Variants in ALDOB observed in about 807,000 individuals in gnomAD.
The protein encoded by ALDOB is fructose-bisphosphate aldolase B.
Under a neutral mutation model 41.0 loss-of-function variants are expected in ALDOB, and 39 were observed. That is an observed-to-expected ratio of 0.95 (90% CI 0.74 to 1.24). ALDOB has a LOEUF of 1.24. ALDOB is among the 50% of genes most tolerant of loss of function. The probability of loss-of-function intolerance (pLI) is 0.00; values close to 1 mark genes in which losing one functional copy is unlikely to be tolerated. For missense variants in ALDOB, 530 were observed against 457.3 expected (o/e 1.16, Z -1.45); for synonymous variants, 175 against 168.8 (o/e 1.04, Z -0.28).
chr9:101,425,944 T>C (rs1324474259), intron 6 of ALDOB, among the ~76,000 whole-genome samples: 1 of 152,190 alleles, frequency 6.6e-6, no homozygotes, highest in African/African-American at 2.4e-5. Flanking sequence ...TCATTCCTTA[T>C]TGAGACTGCA....
chr9:101,421,729 T>C lies in ALDOB; in HGVS notation c.*80A>G. 1 of 1,116,350 alleles carries C rather than the reference T, an allele frequency of 9.0e-7. No homozygotes were observed. Among genetic ancestry groups the C allele is most frequent in the Non-Finnish European group, 1.4e-6 (1 of 733,958 alleles). The allele number at this position is 1,116,350 out of a possible 1,614,324, so 69.2% of individuals were successfully genotyped here. A position where few individuals can be genotyped will look rare whatever the true frequency, so the allele number is the denominator to read the frequency against. On this transcript the variant is annotated 3_prime_UTR_variant, in exon 9 of 9. Coordinates refer to ENST00000647789, the MANE Select transcript of ALDOB (RefSeq NM_000035.4). The stretch of plus-strand genomic sequence containing the variant: ...GCAGTTCAAATCTAATTGTGTCGAA[T>C]TTCCAGGATTGGAGGAAAAGTTGCT...
rs569063511 is a variant in ALDOB at position 101,433,925 on chromosome 9, T to C, written c.-11+1784A>G. Among the ~76,000 whole-genome samples the C allele has an allele frequency of 6.7e-5, 10 of 148,294 alleles. No individual in the cohort carries two copies. The South Asian group carries it at 2.1e-3, about 31-fold the overall frequency. On this transcript the variant is annotated intron_variant, in intron 1 of 8. Transcript: ENST00000647789. ...CTGAAACTACAGGCGCCTGCCACCA[T>C]GCCCAGCTATTTTTTTTTTTATTTT...
chr9:101,433,343 A>G (rs1831246597), intron 1 of ALDOB, among the ~76,000 whole-genome samples: 1 of 152,214 alleles, frequency 6.6e-6, no homozygotes, highest in Non-Finnish European at 1.5e-5. Context: ...GATAATTCAA[A>G]CTAATACTGT....
At position 101,421,683 on chromosome 9, in the gene ALDOB, T is replaced by C. The variant is rs1301519472; in HGVS notation, c.*126A>G. ...ATTTTTTCCCCCTTGTACTTAAGAT[T>C]TAACATGTGTTGTATTTCCAGCAGT... On this transcript the variant is annotated 3_prime_UTR_variant, in exon 9 of 9. Transcript: ENST00000647789. 3.8e-6 allele frequency: 3 copies of C among 785,534 alleles called. No individual in the cohort carries two copies. The East Asian group carries it at 7.8e-5, about 20-fold the overall frequency. The allele number at this position is 785,534 out of a possible 1,614,324, so 48.7% of individuals were successfully genotyped here.
chr9:101,433,715 C>T (rs961030290), intron 1 of ALDOB, among the ~76,000 whole-genome samples: 3 of 152,102 alleles, frequency 2.0e-5, no homozygotes, highest in Non-Finnish European at 4.4e-5. Context: ...TCTGGAGTTA[C>T]CTCTGAAGAA....
At chr9:101,430,715 T>C (rs1178834770) in intron 2 of ALDOB, 61 bp downstream of exon 2, 9 of 1,301,080 alleles carry the variant, frequency 6.9e-6, no homozygotes. Context: ...ATCAAGTTGT[T>C]TTTGCTAAGT....
chr9:101,429,672 CAG>C (rs2118361691), intron 3 of ALDOB, 81 bp downstream of exon 3: 3 of 1,244,420 alleles, frequency 2.4e-6, no homozygotes, highest in Admixed American at 1.7e-5. Context: ...GGAGAATGTT[CAG>C]AGTGTTGGCC....
intron 8 of ALDOB, among the ~76,000 whole-genome samples, chr9:101,422,966 G>A (rs916012503): frequency 6.6e-6 from 1 of 152,118 alleles, no homozygotes; most frequent in East Asian, 1.9e-4. Context: ...TGGAGCTTGG[G>A]AAGCACCATC....
Position 101,428,464 on chromosome 9 carries a change from C to T in ALDOB, c.379+5G>A. 7 of 1,613,434 alleles carry T rather than the reference C, an allele frequency of 4.3e-6. No homozygotes were observed. Among genetic ancestry groups the T allele is most frequent in the Non-Finnish European group, 5.9e-6 (7 of 1,179,366 alleles). On this transcript the variant is annotated splice_donor_5th_base_variant and intron_variant, in intron 4 of 8. Coordinates refer to ENST00000647789, the MANE Select transcript of ALDOB (RefSeq NM_000035.4). ...ATGATTCATCTCAGTGGGCAATATC[C>T]TTACCTTGAATGGTGGTTTCTTTGT... is the stretch of plus-strand genomic sequence containing the variant.
intron 1 of ALDOB, among the ~76,000 whole-genome samples, chr9:101,433,880 C>T (rs374845864): frequency 3.4e-4 from 52 of 152,116 alleles, no homozygotes; most frequent in African/African-American, 1.2e-3. Context: ...AGTGATCTTC[C>T]CACCTCAGAC....
chr9:101,423,135 T>C lies in ALDOB; in HGVS notation c.1000-1231A>G, dbSNP rs542730149. 1.1e-4 allele frequency among the ~76,000 whole-genome samples: 16 copies of C among 152,268 alleles called. No individual in the cohort carries two copies. In the South Asian group the frequency reaches 2.9e-3, roughly 28 times the overall value. Reference sequence around the variant, plus strand: ...CCACAGTCAAGGTAAAGCACTACTTTGAAAATCTGATACCTCTCTTATGCC... The same window carrying C: ...CCACAGTCAAGGTAAAGCACTACTTCGAAAATCTGATACCTCTCTTATGCC... On this transcript the variant is annotated intron_variant, in intron 8 of 8. Transcript: ENST00000647789.
At chr9:101,424,116 C>T (rs1372755663) in intron 8 of ALDOB, among the ~76,000 whole-genome samples, 1 of 151,974 alleles carries the variant, frequency 6.6e-6, no homozygotes, top group Non-Finnish European at 1.5e-5. Flanking sequence ...TTATTATTGG[C>T]CCTTTGAAAT....
In ALDOB at chr9:101,429,905, C is replaced by T. The variant is rs1405787545; in HGVS notation, c.174G>A (p.Gln58=). The part of the protein sequence containing the change: ...KVENTEENRR[Q]FREILFSVDS... ...CCACAGAGAAGAGGATTTCTCGGAACTGCCGGCGGTTCTCTTCAGTGTTTT... is the reference window on the plus strand; with the variant it reads ...CCACAGAGAAGAGGATTTCTCGGAATTGCCGGCGGTTCTCTTCAGTGTTTT... The change falls in exon 3 of 9, where the codon CAG becomes CAA. Residue 58 remains glutamine, a synonymous_variant. Coordinates refer to ENST00000647789, the MANE Select transcript of ALDOB (RefSeq NM_000035.4). The T allele has an allele frequency of 9.3e-6, 15 of 1,614,106 alleles. No individual in the cohort carries two copies. Among genetic ancestry groups the T allele is most frequent in the Non-Finnish European group, 1.2e-5 (14 of 1,180,030 alleles).
intron 8 of ALDOB, among the ~76,000 whole-genome samples, chr9:101,422,719 A>C (rs1564076709): frequency 6.6e-6 from 1 of 152,240 alleles, no homozygotes; most frequent in Non-Finnish European, 1.5e-5. Context: ...ACTATAGTTA[A>C]CAATGATTTA....
Position 101,430,636 on chromosome 9 carries a change from C to T in ALDOB, c.112+140G>A, listed in dbSNP as rs114650821. On this transcript the variant is annotated intron_variant, in intron 2 of 8. Coordinates refer to ENST00000647789, the MANE Select transcript of ALDOB (RefSeq NM_000035.4). The stretch of plus-strand genomic sequence containing the variant: ...CTACTACTTACAGGACTCAAAAGCT[C>T]TACGCTTACTGAGTCTTCTGCTCCC... The T allele has an allele frequency of 6.3e-4, 450 of 713,172 alleles. No individual in the cohort carries two copies. In the African/African-American group the frequency reaches 7.1e-3, roughly 11 times the overall value. The allele number at this position is 713,172 out of a possible 1,614,324, so 44.2% of individuals were successfully genotyped here. A position where few individuals can be genotyped will look rare whatever the true frequency, so the allele number is the denominator to read the frequency against.
rs925833011 is a variant in ALDOB at position 101,426,757 on chromosome 9, T to A, written c.541-119A>T. On this transcript the variant is annotated intron_variant, in intron 5 of 8. Transcript: ENST00000647789. ...GAAGCCATTATGGAGAAATACTACA[T>A]AGATGACTTAAAGACAGTAGAATTT... 98 of 722,764 alleles carry A rather than the reference T, an allele frequency of 1.4e-4. No homozygotes were observed. The Admixed American group carries it at 1.9e-3, about 14-fold the overall frequency. The allele number at this position is 722,764 out of a possible 1,614,324, so 44.8% of individuals were successfully genotyped here.
At chr9:101,427,743 T>G (rs1831153218) in intron 4 of ALDOB, 101 bp from the exon 5 acceptor site, 1 of 1,433,908 alleles carries the variant, frequency 7.0e-7, no homozygotes, top group Admixed American at 1.8e-5. Context: ...TAGCTTTCAA[T>G]CCACTGTGCT....
In ALDOB at chr9:101,429,933, A is replaced by T; in HGVS notation, c.146T>A (p.Val49Glu). The change falls in exon 3 of 9, where the codon GTG becomes GAG. Residue 49 changes from valine to glutamate, a missense_variant. Val to Glu is a moderately radical substitution (Grantham distance 121, BLOSUM62 -2). Transcript: ENST00000647789. ...CCGGCGGTTCTCTTCAGTGTTTTCCACCTTGATCCTCTGCAGGCGGTTCCC... is the reference window on the plus strand; with the variant it reads ...CCGGCGGTTCTCTTCAGTGTTTTCCTCCTTGATCCTCTGCAGGCGGTTCCC... ...TMGNRLQRIKVENTEENRRQF... is the reference protein window; with the variant it reads ...TMGNRLQRIKEENTEENRRQF... 1 of 1,613,942 alleles carries T rather than the reference A, an allele frequency of 6.2e-7. No individual in the cohort carries two copies.
chr9:101,427,626 T>C lies in ALDOB; in HGVS notation c.396A>G (p.Ser132=), dbSNP rs751964153. ...ETTIQGLDGL[S]ERCAQYKKDG... is the part of the protein sequence containing the mutation. ...CTTTCTTGTACTGAGCACAGCGCTC[T>C]GAGAGGCCATCAAGCCCTGCAAGTC... The change falls in exon 5 of 9, where the codon TCA becomes TCG. Residue 132 remains serine (S), a synonymous_variant. Transcript: ENST00000647789. The C allele has an allele frequency of 1.2e-5, 19 of 1,614,046 alleles. No individual in the cohort carries two copies. Among genetic ancestry groups the C allele is most frequent in the Non-Finnish European group, 1.5e-5 (18 of 1,180,038 alleles).
Sources: allele counts gnomAD v4.1 joint callset (sites outside exome capture counted in the v4.1 genomes callset), GRCh38; gene constraint gnomAD v4.1.1; transcripts MANE v1.5; gene names NCBI Gene and HGNC (gene_info 2026-07-23, HGNC 2026-07-21).